Variants in CDH17 observed in about 807,000 individuals in gnomAD.
CDH17 encodes cadherin 17.
A neutral mutation model predicts 86.3 loss-of-function variants in CDH17; 67 were observed. That is an observed-to-expected ratio of 0.78 (90% CI 0.64 to 0.95). CDH17 has a LOEUF of 0.95. CDH17 is among the 40% of genes least tolerant of loss of function. CDH17 has a pLI of 0.00. For missense variants in CDH17, 993 were observed against 1,017.6 expected, an observed-to-expected ratio of 0.98 and a Z score of 0.33; for synonymous variants, 367 against 366.4, an observed-to-expected ratio of 1.00 and a Z score of -0.02.
At chr8:94,149,034 A>ATT (rs199966860) in intron 13 of CDH17, among the ~76,000 whole-genome samples, 160 bp from the exon 14 acceptor site, 1 of 151,838 alleles carries the variant, frequency 6.6e-6, no homozygotes, top group East Asian at 1.9e-4. Flanking sequence ...CATTACTTGT[A>ATT]TATTATTTAA....
At chr8:94,205,690 GAATT>G (rs1723790151) in intron 1 of CDH17, among the ~76,000 whole-genome samples, 1 of 151,928 alleles carries the variant, frequency 6.6e-6, no homozygotes. Context: ...TCTCATTCAT[GAATT>G]GTTTTTTTTT....
chr8:94,171,543 C>T lies in CDH17; in HGVS notation c.784-558G>A, dbSNP rs12547702. The stretch of plus-strand genomic sequence containing the variant: ...AACTCCTAGGGTTGTTTGTAAACAA[C>T]CTGGCAAAAATAAAAAATAAACACA... On this transcript the variant is annotated intron_variant, in intron 7 of 17. Coordinates refer to ENST00000027335, the MANE Select transcript of CDH17 (RefSeq NM_004063.4). Among the ~76,000 whole-genome samples, 533 of 152,220 alleles carry T rather than the reference C, an allele frequency of 3.5e-3. 15 individuals are homozygous for T. Among genetic ancestry groups the T allele is most frequent in the Admixed American group, 0.031 (469 of 15,282 alleles).
At chr8:94,196,427 G>A (rs1230712696) in intron 1 of CDH17, among the ~76,000 whole-genome samples, 1 of 152,138 alleles carries the variant, frequency 6.6e-6, no homozygotes. Context: ...GTAACAGGCG[G>A]GAAACAATGG....
chr8:94,154,289 A>T (rs1246463233), intron 12 of CDH17, among the ~76,000 whole-genome samples: 1 of 152,212 alleles, frequency 6.6e-6, no homozygotes, highest in East Asian at 1.9e-4. Context: ...TATGTCTTAG[A>T]AGAGGAACTG....
intron 12 of CDH17, among the ~76,000 whole-genome samples, chr8:94,152,883 G>T (rs1199157226): frequency 1.3e-5 from 2 of 152,174 alleles, no homozygotes; most frequent in African/African-American, 4.8e-5. Context: ...GGCCAGGCTG[G>T]TCTCAAATTC....
chr8:94,149,529 A>G (rs1187470459), intron 13 of CDH17, among the ~76,000 whole-genome samples: 1 of 152,196 alleles, frequency 6.6e-6, no homozygotes. Flanking sequence ...AGGAATCAGC[A>G]AAGTCTTTCT....
intron 1 of CDH17, among the ~76,000 whole-genome samples, chr8:94,196,023 G>T (rs927734160): frequency 4.6e-5 from 7 of 152,144 alleles, no homozygotes; most frequent in African/African-American, 1.7e-4. Flanking sequence ...GCCTCCCAAA[G>T]TGCTGGGATT....
chr8:94,168,105 T>TATAA (rs1209881127), intron 9 of CDH17, among the ~76,000 whole-genome samples: 7 of 6,696 alleles, frequency 1.0e-3, no homozygotes, highest in Non-Finnish European at 2.7e-3. Flanking sequence ...GGAATATATA[T>TATAA]ATATATATAT....
chr8:94,159,841 T>C (rs1813016134), intron 12 of CDH17, 130 bp downstream of exon 12: 2 of 600,282 alleles, frequency 3.3e-6, no homozygotes, highest in Admixed American at 3.8e-5. Context: ...AATCCAGGAA[T>C]CCAGGAACCC....
At chr8:94,156,655 C>T (rs1013027644) in intron 12 of CDH17, among the ~76,000 whole-genome samples, 2 of 152,142 alleles carry the variant, frequency 1.3e-5, no homozygotes, top group African/African-American at 4.8e-5. Context: ...AGGCTGAGGC[C>T]GCAGTCCTCA....
chr8:94,210,969 C>T (rs1376152349), upstream of CDH17, among the ~76,000 whole-genome samples: 3 of 147,284 alleles, frequency 2.0e-5, no homozygotes, highest in African/African-American at 5.0e-5. Flanking sequence ...TGCATTGAGC[C>T]GAGATTGCAC....
upstream of CDH17, among the ~76,000 whole-genome samples, chr8:94,210,226 TAAA>T (rs71567010): frequency 0.016 from 860 of 53,402 alleles, 14 homozygotes; most frequent in African/African-American, 0.057. Context: ...TTTATGCGAG[TAAA>T]AAAAAAAAAA....
At chr8:94,184,236 T>C (rs1813535518) in intron 3 of CDH17, among the ~76,000 whole-genome samples, 1 of 151,930 alleles carries the variant, frequency 6.6e-6, no homozygotes. Context: ...TGTGTGTGTG[T>C]CCAAGAGAAT....
At chr8:94,158,730 C>T (rs1812993295) in intron 12 of CDH17, among the ~76,000 whole-genome samples, 1 of 152,332 alleles carries the variant, frequency 6.6e-6, no homozygotes, top group Non-Finnish European at 1.5e-5. Context: ...AGCTGGTCCA[C>T]AGCAACCTCT....
At chr8:94,202,809 T>C (rs967979645) in intron 1 of CDH17, 1 of 170,120 alleles carries the variant, frequency 5.9e-6, no homozygotes, top group African/African-American at 2.4e-5. Context: ...TTTGTAACGG[T>C]TGCGAGATTC....
Position 94,152,100 on chromosome 8 carries a change from C to A in CDH17, c.1564G>T (p.Glu522Ter). 6.2e-7 allele frequency: 1 copy of A among 1,613,938 alleles called. No homozygotes were observed. Among genetic ancestry groups the A allele is most frequent in the Non-Finnish European group, 8.5e-7 (1 of 1,179,896 alleles). Residue 522 changes from glutamate (E) to a stop codon, truncating the protein, a stop_gained, in exon 13 of 18, where the codon GAA (glutamate) becomes TAA (stop). Transcript: ENST00000027335. LOFTEE classifies it high-confidence loss of function. ...ACAATGTTGGAAACAGCTGCTGTTT[C>A]AAAATCAAGAGGCTGTGTAGGAGAA... ...YVIIKKPLDF[E>*]TAAVSNIVFK...
rs575787788 is a variant in CDH17 at position 94,167,339 on chromosome 8, C to T, written c.1067-1363G>A. Among the ~76,000 whole-genome samples, 7 of 152,202 alleles carry T rather than the reference C, an allele frequency of 4.6e-5. No individual in the cohort carries two copies. In the South Asian group the frequency reaches 6.2e-4, roughly 14 times the overall value. The stretch of plus-strand genomic sequence containing the variant: ...CTCTTTATATGTAGCAAGAATCCCA[C>T]GTAGGAGCTCAAACTTGAATTCATC... On this transcript the variant is annotated intron_variant, in intron 9 of 17. Transcript: ENST00000027335.
rs114307090 is a variant in CDH17, at chr8:94,190,245, G to A, written c.52-960C>T. Among the ~76,000 whole-genome samples the A allele has an allele frequency of 8.3e-3, 1,265 of 152,338 alleles. 23 individuals are homozygous for A. The highest frequency in any genetic ancestry group is 0.028 in the African/African-American group (1,147 of 41,574). ...AAGCAAGATTTGAACCTGCAACTCTGGAACCAGCCCTCTCAGCCTCTATGC... is the reference window on the plus strand; with the variant it reads ...AAGCAAGATTTGAACCTGCAACTCTAGAACCAGCCCTCTCAGCCTCTATGC... On this transcript the variant is annotated intron_variant, in intron 2 of 17. Coordinates refer to ENST00000027335, the MANE Select transcript of CDH17 (RefSeq NM_004063.4).
chr8:94,168,626 T>G (rs777548135), intron 9 of CDH17, among the ~76,000 whole-genome samples: 11 of 152,150 alleles, frequency 7.2e-5, no homozygotes, highest in African/African-American at 2.7e-4. Flanking sequence ...CTCTGAAATA[T>G]TTTTACAAAA....
Sources: gnomAD v4.1 joint callset for allele counts (sites outside exome capture counted in the v4.1 genomes callset) on GRCh38, gnomAD v4.1.1 for gene constraint, MANE v1.5 for transcripts, NCBI Gene and HGNC (gene_info 2026-07-23, HGNC 2026-07-21) for gene names.